Variants in PARD6G observed in about 807,000 individuals in gnomAD.
The protein encoded by PARD6G is par-6 family cell polarity regulator gamma.
A neutral mutation model predicts 10.7 loss-of-function variants in PARD6G; 7 were observed. The observed-to-expected ratio is 0.66, with a 90% CI of 0.37 to 1.23. PARD6G has a LOEUF of 1.23. Ranked by LOEUF, PARD6G falls within the 50% of genes most tolerant of loss-of-function variation. The pLI is 0.02. For missense variants in PARD6G, 548 were observed against 571.8 expected, an observed-to-expected ratio of 0.96 and a Z score of 0.42; for synonymous variants, 287 against 269.4, an observed-to-expected ratio of 1.07 and a Z score of -0.64.
Position 80,188,952 on chromosome 18 carries a change from T to C in PARD6G, c.295+13758A>G, listed in dbSNP as rs2052893883. Reference sequence around the variant, plus strand: ...GTGAATGCAGACATGGGAAGAGTAGTGCTCATCCCAGCAGAGGCAGCAAGG... The same window carrying C: ...GTGAATGCAGACATGGGAAGAGTAGCGCTCATCCCAGCAGAGGCAGCAAGG... On this transcript the variant is annotated intron_variant, in intron 2 of 2. Coordinates refer to ENST00000353265, the MANE Select transcript of PARD6G (RefSeq NM_032510.4). The surrounding 1 kb of genome is among the most constrained non-coding windows in gnomAD (Gnocchi z 5.4). Among the ~76,000 whole-genome samples the C allele has an allele frequency of 6.6e-6, 1 of 152,148 alleles. No homozygotes were observed. Among genetic ancestry groups the C allele is most frequent in the South Asian group, 2.1e-4 (1 of 4,826 alleles).
intron 1 of PARD6G, among the ~76,000 whole-genome samples, chr18:80,214,447 C>T (rs889251342): frequency 6.6e-6 from 1 of 151,850 alleles, no homozygotes; most frequent in Non-Finnish European, 1.5e-5. Context: ...GCCTGGGAAA[C>T]AGAGCGAGAC....
intron 1 of PARD6G, among the ~76,000 whole-genome samples, chr18:80,218,886 G>C (rs1967199323): frequency 2.0e-5 from 3 of 152,208 alleles, no homozygotes; most frequent in Admixed American, 1.3e-4. Flanking sequence ...ATACCACATG[G>C]AAGCTGCCAA....
rs1967544477 is a variant in PARD6G at position 80,246,213 on chromosome 18, G to C, written c.72+1064C>G. Among the ~76,000 whole-genome samples, 1 of 152,136 alleles carries C rather than the reference G, an allele frequency of 6.6e-6. No individual in the cohort carries two copies. On this transcript the variant is annotated intron_variant, in intron 1 of 2. Coordinates refer to ENST00000353265, the MANE Select transcript of PARD6G (RefSeq NM_032510.4). The surrounding 1 kb of genome is among the most constrained non-coding windows in gnomAD (Gnocchi z 6.7). ...AGAACCGGGGTGCGAAGAAAGAAAG[G>C]GCGAAAGGGCCGCTCAACTCCCAGA... is the stretch of plus-strand genomic sequence containing the variant.
intron 2 of PARD6G, chr18:80,202,493 C>G (rs868850033): frequency 2.6e-4 from 127 of 489,710 alleles, no homozygotes; most frequent in Middle Eastern, 1.1e-3. Flanking sequence ...ATTCTTTCTT[C>G]AGTATTTAAA....
chr18:80,211,011 T>C (rs545191657), intron 1 of PARD6G, among the ~76,000 whole-genome samples: 74 of 152,070 alleles, frequency 4.9e-4, no homozygotes, highest in African/African-American at 1.7e-3. Context: ...TTCAAACTAG[T>C]TGATTGAGTT....
chr18:80,212,159 A>G (rs372017348), intron 1 of PARD6G, among the ~76,000 whole-genome samples: 1 of 152,234 alleles, frequency 6.6e-6, no homozygotes. Flanking sequence ...CCACGTCCCA[A>G]AGATGTGCAC....
chr18:80,186,774 C>A (rs927998664), intron 2 of PARD6G, among the ~76,000 whole-genome samples: 1 of 152,182 alleles, frequency 6.6e-6, no homozygotes, highest in Non-Finnish European at 1.5e-5. Flanking sequence ...AATCTCCCTG[C>A]TAATCAGTAT....
intron 1 of PARD6G, among the ~76,000 whole-genome samples, chr18:80,213,450 G>C (rs894112010): frequency 3.9e-5 from 6 of 152,214 alleles, no homozygotes; most frequent in African/African-American, 9.7e-5. Flanking sequence ...AACAGATATA[G>C]AGCCACTCTA....
chr18:80,235,093 A>AC (rs1291913223), intron 1 of PARD6G, among the ~76,000 whole-genome samples: 1 of 152,198 alleles, frequency 6.6e-6, no homozygotes, highest in East Asian at 1.9e-4. Context: ...TCCAAAATTG[A>AC]CCACATAGTT....
chr18:80,162,189 C>G (rs2052704894), intron 2 of PARD6G: 1 of 152,092 alleles, frequency 6.6e-6, no homozygotes, highest in African/African-American at 2.4e-5. Flanking sequence ...AGTGACGGAA[C>G]CCATCCGTCA....
chr18:80,235,993 T>C (rs1308972185), intron 1 of PARD6G, among the ~76,000 whole-genome samples: 1 of 152,142 alleles, frequency 6.6e-6, no homozygotes, highest in African/African-American at 2.4e-5. Context: ...CCTCCCTAAC[T>C]CATTTTATGA....
At chr18:80,176,805 G>A (rs1025814795) in intron 2 of PARD6G, among the ~76,000 whole-genome samples, 1 of 152,098 alleles carries the variant, frequency 6.6e-6, no homozygotes, top group Non-Finnish European at 1.5e-5. Context: ...GGCAAAACAT[G>A]ATCTATGTAA....
chr18:80,220,361 A>G (rs1967215880), intron 1 of PARD6G, among the ~76,000 whole-genome samples: 1 of 152,224 alleles, frequency 6.6e-6, no homozygotes. Context: ...GGGTGGGGAC[A>G]CAGCCAAACC....
chr18:80,194,993 A>G (rs953281900), intron 2 of PARD6G, among the ~76,000 whole-genome samples: 3 of 151,762 alleles, frequency 2.0e-5, no homozygotes, highest in Admixed American at 6.6e-5. Context: ...ATAAAACGGC[A>G]GGAGGAGGAG....
At chr18:80,214,365 C>T (rs1221728674) in intron 1 of PARD6G, among the ~76,000 whole-genome samples, 1 of 152,000 alleles carries the variant, frequency 6.6e-6, no homozygotes, top group East Asian at 1.9e-4. Context: ...ACTCTGGAGG[C>T]TGAGGCGGGA....
At chr18:80,229,012 C>A (rs1016784964) in intron 1 of PARD6G, among the ~76,000 whole-genome samples, 59 of 152,176 alleles carry the variant, frequency 3.9e-4, no homozygotes, top group African/African-American at 1.4e-3. Context: ...GATCTTGGCT[C>A]ACCATAACCT....
rs1313957877 is a variant in PARD6G, at chr18:80,161,032, G to GTTAA, written c.296-430_296-427dup. On this transcript the variant is annotated intron_variant, in intron 2 of 2. Transcript: ENST00000353265. The surrounding 1 kb of genome is among the most constrained non-coding windows in gnomAD (Gnocchi z 4.6). ...AGACGGAGGCTCGTTTTTTTCTAAG[G>GTTAA]TTAATTACAACTAAGAGAGACCTTT... 6.6e-6 allele frequency among the ~76,000 whole-genome samples: 1 copy of GTTAA among 152,104 alleles called. No homozygotes were observed. Among genetic ancestry groups the GTTAA allele is most frequent in the Non-Finnish European group, 1.5e-5 (1 of 68,018 alleles).
At chr18:80,230,540 G>A (rs1967346324) in intron 1 of PARD6G, among the ~76,000 whole-genome samples, 1 of 152,188 alleles carries the variant, frequency 6.6e-6, no homozygotes, top group Non-Finnish European at 1.5e-5. Context: ...AGTGATGATG[G>A]TGCAGCCGTT....
chr18:80,237,459 A>C (rs187234677), intron 1 of PARD6G, among the ~76,000 whole-genome samples: 3,886 of 152,330 alleles, frequency 0.026, 161 homozygotes, highest in African/African-American at 0.089. Flanking sequence ...TTCATGTCTA[A>C]AACACAAAAA....
Sources: gnomAD v4.1 joint callset for allele counts (sites outside exome capture counted in the v4.1 genomes callset) on GRCh38, gnomAD v4.1.1 for gene constraint, Gnocchi (gnomAD v3.1) non-coding constraint, MANE v1.5 for transcripts, NCBI Gene and HGNC (gene_info 2026-07-23, HGNC 2026-07-21) for gene names.